FOXP1: variants seen among roughly 807,000 people sequenced by gnomAD.
FOXP1 encodes forkhead box protein P1.
FOXP1 carries 15 observed loss-of-function variants against 98.2 expected under a neutral mutation model. That is an observed-to-expected ratio of 0.15 (90% confidence interval 0.10 to 0.24). The LOEUF (loss-of-function observed/expected upper bound fraction) is 0.24, where lower values mean the gene tolerates loss of function less well. Among genes scored for constraint, FOXP1 ranks in the 10% least tolerant of loss-of-function variants. The pLI is 1.00. For missense variants in FOXP1, 633 were observed against 848.5 expected (o/e 0.75, Z 3.15); for synonymous variants, 371 against 314.5 (o/e 1.18, Z -1.90).
At chr3:71,355,831 C>G (rs566137239) in intron 4 of FOXP1, among the ~76,000 whole-genome samples, 19 of 152,048 alleles carry the variant, frequency 1.2e-4, no homozygotes, top group Non-Finnish European at 2.5e-4. Context: ...TGACTCTTAC[C>G]CGTCTCACCT....
At chr3:71,337,877 C>G (rs2076782118) in intron 4 of FOXP1, among the ~76,000 whole-genome samples, 1 of 152,186 alleles carries the variant, frequency 6.6e-6, no homozygotes, top group Non-Finnish European at 1.5e-5. Context: ...GCAGCAGCAT[C>G]CATGCCAGAC....
At chr3:71,178,785 G>A (rs1253686587) in intron 6 of FOXP1, among the ~76,000 whole-genome samples, 1 of 151,902 alleles carries the variant, frequency 6.6e-6, no homozygotes, top group Admixed American at 6.6e-5. Context: ...TTGGGAGGCT[G>A]AAGCAGGAGA....
chr3:71,001,318 T>C (rs1267766215), intron 12 of FOXP1, among the ~76,000 whole-genome samples: 2 of 152,080 alleles, frequency 1.3e-5, no homozygotes, highest in African/African-American at 4.8e-5. Context: ...TACACATAAA[T>C]AAGTAAGAAA....
At chr3:71,533,792 T>C (rs1446916919) in intron 2 of FOXP1, among the ~76,000 whole-genome samples, 11 of 152,246 alleles carry the variant, frequency 7.2e-5, no homozygotes, top group Admixed American at 7.2e-4. Context: ...TCAGCCATTA[T>C]GATGCAATCC....
chr3:71,452,191 T>C (rs1560506340), intron 3 of FOXP1, among the ~76,000 whole-genome samples: 1 of 152,228 alleles, frequency 6.6e-6, no homozygotes, highest in South Asian at 2.1e-4. Context: ...CTCTGCATCT[T>C]TGGAAACAAT....
chr3:71,578,958 C>T (rs1295346099), intron 2 of FOXP1, among the ~76,000 whole-genome samples: 4 of 152,250 alleles, frequency 2.6e-5, no homozygotes, highest in East Asian at 3.9e-4. Flanking sequence ...CTAATAGCAT[C>T]CATGTGTATG....
intron 5 of FOXP1, among the ~76,000 whole-genome samples, chr3:71,230,080 A>C (rs1456893338): frequency 1.5e-5 from 2 of 134,572 alleles, no homozygotes; most frequent in Non-Finnish European, 3.1e-5. Context: ...GCAGGGCTGC[A>C]GGAAAAGATA....
intron 3 of FOXP1, among the ~76,000 whole-genome samples, chr3:71,473,130 C>T (rs188556678): frequency 1.3e-5 from 2 of 152,270 alleles, no homozygotes; most frequent in South Asian, 2.1e-4. Flanking sequence ...AATAACATCA[C>T]GTGCATAGCT....
chr3:71,397,474 C>G (rs1265105944), intron 3 of FOXP1, among the ~76,000 whole-genome samples: 1 of 152,184 alleles, frequency 6.6e-6, no homozygotes, highest in Non-Finnish European at 1.5e-5. Flanking sequence ...AAATACTTTC[C>G]AAATGTACAT....
rs538687632 is a variant in FOXP1 at position 71,582,016 on chromosome 3, G to A, written c.-446-319C>T. ...ATGGGGATACGATCACGGGCGCAAGGTTTGGAGTTACAACTGTTTATTTAG... is the reference window on the plus strand; with the variant it reads ...ATGGGGATACGATCACGGGCGCAAGATTTGGAGTTACAACTGTTTATTTAG... On this transcript the variant is annotated intron_variant, in intron 1 of 20. Transcript: ENST00000649528. The A allele has an allele frequency of 6.1e-6, 6 of 977,836 alleles. No individual in the cohort carries two copies. The Admixed American group carries it at 1.9e-4, about 30-fold the overall frequency. 60.6% of individuals were successfully genotyped at this position (977,836 alleles called of 1,614,324 possible).
intron 7 of FOXP1, among the ~76,000 whole-genome samples, chr3:71,054,802 C>A (rs1470582778): frequency 6.6e-6 from 1 of 152,006 alleles, no homozygotes; most frequent in Non-Finnish European, 1.5e-5. Context: ...ACCTGTATGT[C>A]TTCTAACCGT....
chr3:70,959,446 A>G, intron 20 of FOXP1, 55 bp from the exon 21 acceptor site: 1 of 1,608,506 alleles, frequency 6.2e-7, no homozygotes, highest in Middle Eastern at 1.7e-4. Flanking sequence ...ATTGCAGCTC[A>G]GGTGCACTGA....
intron 6 of FOXP1, among the ~76,000 whole-genome samples, chr3:71,138,350 AT>A (rs2059917677): frequency 6.6e-6 from 1 of 152,234 alleles, no homozygotes; most frequent in Admixed American, 6.5e-5. Flanking sequence ...ATTATCAAAA[AT>A]GGAAAGTCAT....
intron 5 of FOXP1, among the ~76,000 whole-genome samples, chr3:71,284,423 GAC>G (rs2071891322): frequency 6.6e-6 from 1 of 152,106 alleles, no homozygotes; most frequent in Non-Finnish European, 1.5e-5. Context: ...AAATTAGCTG[GAC>G]ATGGTGTGTG....
intron 6 of FOXP1, among the ~76,000 whole-genome samples, chr3:71,122,932 C>CT (rs1385471361): frequency 1.3e-5 from 2 of 152,166 alleles, no homozygotes; most frequent in African/African-American, 4.8e-5. Context: ...GCATGACTGA[C>CT]TGTGGGCCCT....
chr3:71,498,394 C>T (rs1323398256), intron 2 of FOXP1, among the ~76,000 whole-genome samples: 3 of 152,136 alleles, frequency 2.0e-5, no homozygotes, highest in African/African-American at 4.8e-5. Context: ...CCAAACACTG[C>T]CAGGCACCAG....
intron 7 of FOXP1, among the ~76,000 whole-genome samples, chr3:71,083,791 C>CTTTT (rs1260908372): frequency 5.9e-5 from 9 of 152,212 alleles, no homozygotes; most frequent in Non-Finnish European, 8.8e-5. Flanking sequence ...AACCCTTGAA[C>CTTTT]TTTTAAGCTC....
At chr3:71,384,044 C>T (rs1347209946) in intron 3 of FOXP1, among the ~76,000 whole-genome samples, 1 of 152,142 alleles carries the variant, frequency 6.6e-6, no homozygotes, top group Non-Finnish European at 1.5e-5. Context: ...TGGTGTAACC[C>T]TGCCTCTACT....
At chr3:71,511,968 TGAC>T (rs768658011) in intron 2 of FOXP1, among the ~76,000 whole-genome samples, 5 of 152,248 alleles carry the variant, frequency 3.3e-5, no homozygotes, top group Non-Finnish European at 7.3e-5. Flanking sequence ...CTGCTGGTGA[TGAC>T]GACAACAATA....
Sources: allele counts gnomAD v4.1 joint callset (sites outside exome capture counted in the v4.1 genomes callset), GRCh38; gene constraint gnomAD v4.1.1; transcripts MANE v1.5; gene names NCBI Gene and HGNC (gene_info 2026-07-23, HGNC 2026-07-21).